Variants in ASNS observed in about 807,000 individuals in gnomAD.
ASNS encodes asparagine synthetase (glutamine-hydrolyzing), also known as asparagine synthetase [glutamine-hydrolyzing].
In ASNS, 37 loss-of-function variants were observed where a neutral mutation model predicts 62.6. The observed-to-expected ratio is 0.59, with a 90% CI of 0.45 to 0.78. The LOEUF is 0.78. Among genes scored for constraint, ASNS ranks in the 30% least tolerant of loss-of-function variants. The pLI is 0.00. For missense variants in ASNS, 520 were observed against 682.4 expected (o/e 0.76, Z 2.65); for synonymous variants, 207 against 237.9 (o/e 0.87, Z 1.19).
At chr7:97,861,354 G>C (rs1241057559) in intron 4 of ASNS, among the ~76,000 whole-genome samples, 1 of 152,114 alleles carries the variant, frequency 6.6e-6, no homozygotes, top group Admixed American at 6.5e-5. Flanking sequence ...TACGATGTTG[G>C]GTAAAGATTC....
intron 4 of ASNS, 21 bp from the exon 5 acceptor site, chr7:97,859,419 C>A: frequency 1.3e-6 from 2 of 1,575,414 alleles, no homozygotes; most frequent in Non-Finnish European, 8.6e-7. Context: ...ACAATGATAC[C>A]TTTATTCAAA....
chr7:97,858,299 G>A lies in ASNS; in HGVS notation c.882C>T (p.Pro294=), dbSNP rs748677332. 1.1e-5 allele frequency: 18 copies of A among 1,613,152 alleles called. No homozygotes were observed. Among genetic ancestry groups the A allele is most frequent in the South Asian group, 4.4e-5 (4 of 91,038 alleles). Residue 294 remains proline (P), a synonymous_variant, in exon 7 of 13, where the codon CCC becomes CCT. Transcript: ENST00000394308. ...TTACCTTTCTAGCAGCCAGTAAATC[G>A]GGGCTGTCTTCCATGCCAATTGCAA... The part of the protein sequence containing the change: ...QTFAIGMEDS[P]DLLAARKVAD...
At chr7:97,876,429 A>ATTTTT (rs56382958), upstream of ASNS, among the ~76,000 whole-genome samples, 2 of 137,278 alleles carry the variant, frequency 1.5e-5, no homozygotes, top group African/African-American at 2.7e-5. Context: ...ACTCAAACAT[A>ATTTTT]TTTTTTTTTT....
At chr7:97,873,010 C>A (rs3757675), upstream of ASNS, among the ~76,000 whole-genome samples, 59,128 of 152,056 alleles carry the variant, frequency 0.39, 11,997 homozygotes, top group East Asian at 0.55. Flanking sequence ...TGAGCCCAGG[C>A]GTTTGAGGCT....
chr7:97,876,139 G>A (rs1482836884), upstream of ASNS, among the ~76,000 whole-genome samples: 11 of 152,146 alleles, frequency 7.2e-5, no homozygotes, highest in Non-Finnish European at 1.2e-4. Context: ...TGATAGGCAT[G>A]AGCCGCCGCA....
chr7:97,900,200 A>T, the ASNS span, among the ~76,000 whole-genome samples: 1 of 151,890 alleles, frequency 6.6e-6, no homozygotes, highest in Non-Finnish European at 1.5e-5. Context: ...TCTGTACTAA[A>T]AAAATACAAA....
chr7:97,900,360 CAAAAAAAAAAAA>C, the ASNS span, among the ~76,000 whole-genome samples: 5 of 89,384 alleles, frequency 5.6e-5, no homozygotes, highest in African/African-American at 2.7e-4. Flanking sequence ...GACTTTGTCT[CAAAAAAAAAAAA>C]AAAAAAAAAA....
the ASNS span, among the ~76,000 whole-genome samples, chr7:97,883,528 C>A: frequency 6.6e-6 from 1 of 152,170 alleles, no homozygotes; most frequent in Middle Eastern, 3.2e-3. Context: ...ACCAAGCCAC[C>A]ATCACCTCCA....
chr7:97,914,261 G>T, the ASNS span, among the ~76,000 whole-genome samples: 1 of 151,954 alleles, frequency 6.6e-6, no homozygotes, highest in African/African-American at 2.4e-5. Context: ...CATTTTTTCA[G>T]GGTCCTCCAA....
At chr7:97,921,363 A>G in the ASNS span, among the ~76,000 whole-genome samples, 9 of 152,292 alleles carry the variant, frequency 5.9e-5, no homozygotes, top group South Asian at 1.9e-3. Context: ...TCTCTGTCCC[A>G]ACTATTCAAC....
chr7:97,858,104 G>A (rs1460033054), intron 7 of ASNS, among the ~76,000 whole-genome samples, 174 bp downstream of exon 7: 1 of 152,164 alleles, frequency 6.6e-6, no homozygotes, highest in Non-Finnish European at 1.5e-5. Context: ...AGAGGACAGT[G>A]TACAACACAG....
the ASNS span, among the ~76,000 whole-genome samples, chr7:97,923,450 A>C: frequency 6.6e-6 from 1 of 152,138 alleles, no homozygotes; most frequent in Non-Finnish European, 1.5e-5. Context: ...GCATGGTGGC[A>C]CGCACCTGCA....
At chr7:97,884,192 C>T in the ASNS span, among the ~76,000 whole-genome samples, 2 of 152,080 alleles carry the variant, frequency 1.3e-5, no homozygotes, top group Non-Finnish European at 1.5e-5. Flanking sequence ...TCTCTTTCTC[C>T]AGCCTCATTT....
rs747398441 is a variant in ASNS, at chr7:97,856,699, C to T, written c.1021G>A (p.Ala341Thr). Residue 341 changes from alanine to threonine, a missense_variant, in exon 8 of 13, where the codon GCT (alanine) becomes ACT (threonine). By Grantham distance (58) the Ala-to-Thr change is moderately conservative. Coordinates refer to ENST00000394308, the MANE Select transcript of ASNS (RefSeq NM_001673.5). Reference sequence around the variant, plus strand: ...TATCATAATACCTTACCTACTGAAGCACGAACTGTTGTAATGTCATAAGTT... The same window carrying T: ...TATCATAATACCTTACCTACTGAAGTACGAACTGTTGTAATGTCATAAGTT... The part of the protein sequence containing the change: ...LETYDITTVR[A>T]SVGMYLISKY... The T allele has an allele frequency of 3.0e-5, 48 of 1,606,668 alleles. No individual in the cohort carries two copies. The highest frequency in any genetic ancestry group is 3.7e-5 in the Non-Finnish European group (44 of 1,177,040).
intron 4 of ASNS, among the ~76,000 whole-genome samples, chr7:97,860,409 A>G (rs1021021827): frequency 8.5e-5 from 13 of 152,220 alleles, no homozygotes; most frequent in African/African-American, 2.7e-4. Context: ...ATCAGGCTCA[A>G]AGAAGGCCCA....
the ASNS span, among the ~76,000 whole-genome samples, chr7:97,897,224 C>T: frequency 1.3e-5 from 2 of 152,172 alleles, no homozygotes; most frequent in Non-Finnish European, 2.9e-5. Flanking sequence ...GACAACACCC[C>T]TCCCTTACAC....
chr7:97,860,044 G>A (rs546181369), intron 4 of ASNS, among the ~76,000 whole-genome samples: 4 of 152,110 alleles, frequency 2.6e-5, no homozygotes, highest in East Asian at 3.9e-4. Flanking sequence ...ATTGTAGATC[G>A]TAATGGACTA....
chr7:97,911,445 C>A, the ASNS span, among the ~76,000 whole-genome samples: 48 of 150,514 alleles, frequency 3.2e-4, no homozygotes, highest in African/African-American at 1.1e-3. Context: ...AGTTTGAGAC[C>A]AGCCTAGGCA....
At chr7:97,853,778 C>T (rs1161551812) in intron 10 of ASNS, among the ~76,000 whole-genome samples, 7 of 152,220 alleles carry the variant, frequency 4.6e-5, no homozygotes, top group South Asian at 4.1e-4. Flanking sequence ...ATTGTGATGA[C>T]GATACAGTAT....
Sources: allele counts gnomAD v4.1 joint callset (sites outside exome capture counted in the v4.1 genomes callset), GRCh38; gene constraint gnomAD v4.1.1; transcripts MANE v1.5; gene names NCBI Gene and HGNC (gene_info 2026-07-23, HGNC 2026-07-21).